SLC24A2: variants seen among roughly 807,000 people sequenced by gnomAD.
The protein encoded by SLC24A2 is solute carrier family 24 member 2, also known as sodium/potassium/calcium exchanger 2.
SLC24A2 carries 36 observed loss-of-function variants against 62.0 expected under a neutral mutation model. That is an observed-to-expected ratio of 0.58 (90% CI 0.44 to 0.77). The LOEUF (loss-of-function observed/expected upper bound fraction) is 0.77, where lower values mean the gene tolerates loss of function less well. Among genes scored for constraint, SLC24A2 ranks in the 30% least tolerant of loss-of-function variants. SLC24A2 has a pLI of 0.00. For missense variants in SLC24A2, 846 were observed against 817.9 expected, an observed-to-expected ratio of 1.03 and a Z score of -0.42; for synonymous variants, 358 against 294.0, an observed-to-expected ratio of 1.22 and a Z score of -2.23.
the SLC24A2 span, among the ~76,000 whole-genome samples, chr9:20,145,001 C>G: frequency 6.6e-6 from 1 of 152,066 alleles, no homozygotes; most frequent in South Asian, 2.1e-4. Context: ...ATGTTATTTT[C>G]CTTAAACGCA....
chr9:20,142,770 A>AT, the SLC24A2 span, among the ~76,000 whole-genome samples: 2 of 152,024 alleles, frequency 1.3e-5, no homozygotes, highest in African/African-American at 4.8e-5. Flanking sequence ...TAATTTTTGT[A>AT]TTTTTTGTAG....
At chr9:20,072,754 T>C in the SLC24A2 span, among the ~76,000 whole-genome samples, 12 of 151,846 alleles carry the variant, frequency 7.9e-5, no homozygotes, top group East Asian at 3.9e-4. Context: ...CCTTTGAAGA[T>C]AGAGAAAGGA....
Position 19,636,315 on chromosome 9 carries a change from T to TTTTCTTTTCTTTCC in SLC24A2, c.931-14017_931-14016insGGAAAGAAAAGAAA. ...TTTTCTTTTCTTTTCTTTTCTTTTC[T>TTTTCTTTTCTTTCC]TTTCTTTCTTTCTTTCTTTCTTTCT... On this transcript the variant is annotated intron_variant, in intron 2 of 10. Coordinates refer to ENST00000341998, the MANE Select transcript of SLC24A2 (RefSeq NM_020344.4). Among the ~76,000 whole-genome samples the TTTTCTTTTCTTTCC allele has an allele frequency of 1.3e-3, 53 of 40,322 alleles. 4 individuals carry two copies. Among genetic ancestry groups the TTTTCTTTTCTTTCC allele is most frequent in the African/African-American group, 6.1e-3 (53 of 8,654 alleles). 26.5% of individuals were successfully genotyped at this position (40,322 alleles called of 152,430 possible).
chr9:19,741,489 G>A (rs1821677216), intron 2 of SLC24A2, among the ~76,000 whole-genome samples: 1 of 152,114 alleles, frequency 6.6e-6, no homozygotes, highest in Admixed American at 6.6e-5. Flanking sequence ...TCTGCTCCAA[G>A]TACCAGCTGA....
the SLC24A2 span, among the ~76,000 whole-genome samples, chr9:20,120,159 G>A: frequency 6.6e-6 from 1 of 152,048 alleles, no homozygotes; most frequent in East Asian, 1.9e-4. Context: ...TCTGTGGCTT[G>A]CCTTTTAGTT....
chr9:20,255,188 T>C, the SLC24A2 span, among the ~76,000 whole-genome samples: 1 of 152,230 alleles, frequency 6.6e-6, no homozygotes, highest in Non-Finnish European at 1.5e-5. Flanking sequence ...CCTTAATCAC[T>C]TACCACTTAG....
the SLC24A2 span, among the ~76,000 whole-genome samples, chr9:19,976,519 T>G: frequency 6.6e-6 from 1 of 152,218 alleles, no homozygotes; most frequent in Non-Finnish European, 1.5e-5. Flanking sequence ...TCCTGAGGCC[T>G]CCCAGTCATG....
At chr9:19,896,826 C>G in the SLC24A2 span, among the ~76,000 whole-genome samples, 1 of 152,130 alleles carries the variant, frequency 6.6e-6, no homozygotes, top group Admixed American at 6.5e-5. Context: ...AATTTTATAT[C>G]ATTGATTTGT....
At chr9:20,245,249 G>A in the SLC24A2 span, among the ~76,000 whole-genome samples, 1 of 152,158 alleles carries the variant, frequency 6.6e-6, no homozygotes. Flanking sequence ...CAAGTGACAG[G>A]TGCTATAACT....
chr9:20,213,448 A>G, the SLC24A2 span, among the ~76,000 whole-genome samples: 1 of 152,104 alleles, frequency 6.6e-6, no homozygotes, highest in African/African-American at 2.4e-5. Context: ...AGAAAAACTG[A>G]TACAAGGGAT....
At chr9:20,038,193 C>T in the SLC24A2 span, among the ~76,000 whole-genome samples, 1,138 of 152,280 alleles carry the variant, frequency 7.5e-3, 22 homozygotes, top group African/African-American at 0.026. Context: ...CACTTGAATT[C>T]CACCTCTGCC....
the SLC24A2 span, among the ~76,000 whole-genome samples, chr9:20,154,261 G>A: frequency 6.6e-6 from 1 of 151,864 alleles, no homozygotes; most frequent in Admixed American, 6.6e-5. Context: ...TTTGATGCCT[G>A]AGCAGAAAGC....
At chr9:20,193,370 C>A in the SLC24A2 span, among the ~76,000 whole-genome samples, 2 of 152,026 alleles carry the variant, frequency 1.3e-5, no homozygotes, top group East Asian at 1.9e-4. Flanking sequence ...GGTATTCTCC[C>A]AGCTTCCCTT....
chr9:19,609,189 C>A (rs536871281), intron 4 of SLC24A2, among the ~76,000 whole-genome samples: 1 of 152,370 alleles, frequency 6.6e-6, no homozygotes, highest in South Asian at 2.1e-4. Flanking sequence ...AGGCCACTTA[C>A]ATGAATGTGC....
At chr9:20,287,160 C>T in the SLC24A2 span, among the ~76,000 whole-genome samples, 2 of 152,164 alleles carry the variant, frequency 1.3e-5, no homozygotes, top group South Asian at 4.1e-4. Flanking sequence ...ACAAATCCTC[C>T]ACCATGCTTT....
chr9:19,578,119 C>T (rs1182141582), intron 5 of SLC24A2, among the ~76,000 whole-genome samples: 2 of 151,510 alleles, frequency 1.3e-5, no homozygotes, highest in Non-Finnish European at 2.9e-5. Flanking sequence ...GGATAAAGGA[C>T]TACAAATATG....
At chr9:19,749,013 C>G (rs1821912375) in intron 2 of SLC24A2, among the ~76,000 whole-genome samples, 1 of 151,010 alleles carries the variant, frequency 6.6e-6, no homozygotes, top group Non-Finnish European at 1.5e-5. Flanking sequence ...TTGATCAGCA[C>G]AACCAGCTTC....
the SLC24A2 span, among the ~76,000 whole-genome samples, chr9:20,207,696 G>A: frequency 6.6e-6 from 1 of 152,206 alleles, no homozygotes; most frequent in African/African-American, 2.4e-5. Context: ...TATCCATGAT[G>A]TTAAATCTGA....
At chr9:20,163,732 T>C in the SLC24A2 span, among the ~76,000 whole-genome samples, 2 of 152,086 alleles carry the variant, frequency 1.3e-5, no homozygotes, top group East Asian at 3.9e-4. Flanking sequence ...CTTCAAACTA[T>C]ACTACAAGGC....
Sources: allele counts gnomAD v4.1 joint callset (sites outside exome capture counted in the v4.1 genomes callset), GRCh38; gene constraint gnomAD v4.1.1; transcripts MANE v1.5; gene names NCBI Gene and HGNC (gene_info 2026-07-23, HGNC 2026-07-21).